The following GPSM1 variants were observed in gnomAD, a reference collection of about 807,000 sequenced individuals.
The protein encoded by GPSM1 is G protein signaling modulator 1.
GPSM1 carries 48 observed loss-of-function variants against 70.5 expected under a neutral mutation model. The ratio of observed to expected loss-of-function variants is 0.68; its 90% CI spans 0.54 to 0.87. The LOEUF (loss-of-function observed/expected upper bound fraction) is 0.87. Ranked by LOEUF, GPSM1 falls within the 40% of genes least tolerant of loss-of-function variation. The pLI, the probability that GPSM1 is intolerant of heterozygous loss-of-function variation, is 0.00. For missense variants in GPSM1, 981 were observed against 972.6 expected, an observed-to-expected ratio of 1.01 and a Z score of -0.11; for synonymous variants, 416 against 430.1, an observed-to-expected ratio of 0.97 and a Z score of 0.41.
In GPSM1 at chr9:136,356,438, T is replaced by C; in HGVS notation, c.1709T>C (p.Val570Ala). Residue 570 changes from valine (V) to alanine (A), a missense_variant, in exon 13 of 14, where the codon GTG becomes GCG. By Grantham distance (64) the Val-to-Ala change is moderately conservative. Coordinates refer to ENST00000440944, the MANE Select transcript of GPSM1 (RefSeq NM_001145638.3). Reference protein sequence around the residue: ...SRRLDDQRASVGSLPGLRITH... With the variant: ...SRRLDDQRASAGSLPGLRITH... ...CGGCTGGACGACCAGCGGGCCAGCG[T>C]GGGCAGCCTGCCGGGGCTGCGAATC... 1.2e-6 allele frequency: 2 copies of C among 1,610,740 alleles called. No individual in the cohort carries two copies. Among genetic ancestry groups the C allele is most frequent in the African/African-American group, 2.7e-5 (2 of 74,900 alleles).
rs111726239 is a variant in GPSM1, at chr9:136,337,830, C to T, written c.703-16C>T. 263 of 1,585,456 alleles carry T rather than the reference C, an allele frequency of 1.7e-4. 1 individual carries two copies. Among genetic ancestry groups the T allele is most frequent in the Middle Eastern group, 5.0e-4 (3 of 6,004 alleles). ...GGCTGCGCCATGACCACCTGGCCTC[C>T]GGTGTGTCTCCGCAGCGCCTGGCCA... On this transcript the variant is annotated splice_polypyrimidine_tract_variant and intron_variant, in intron 5 of 13. Coordinates refer to ENST00000440944, the MANE Select transcript of GPSM1 (RefSeq NM_001145638.3).
In GPSM1 at chr9:136,337,976, CA is replaced by C; in HGVS notation, c.818+17del. 1 of 1,541,424 alleles carries C rather than the reference CA, an allele frequency of 6.5e-7. No homozygotes were observed. Among genetic ancestry groups the C allele is most frequent in the Non-Finnish European group, 8.9e-7 (1 of 1,119,304 alleles). ...GAGTACTACAAGTAGGTGGTCCCCA[CA>C]ATCTCCCAGGGAGACAGCAGGCCGG... On this transcript the variant is annotated intron_variant, in intron 6 of 13. Transcript: ENST00000440944.
intron 11 of GPSM1, among the ~76,000 whole-genome samples, chr9:136,353,826 A>G (rs1304220883): frequency 6.6e-6 from 1 of 152,156 alleles, no homozygotes; most frequent in Non-Finnish European, 1.5e-5. Flanking sequence ...TTAGACCAGG[A>G]GGCCACATCC....
At chr9:136,355,911 C>T (rs916075358) in intron 12 of GPSM1, 65 bp downstream of exon 12, 13 of 1,364,910 alleles carry the variant, frequency 9.5e-6, no homozygotes, top group South Asian at 6.4e-5. Context: ...CCAGGGCTCC[C>T]GTCCTGCTTC....
intron 11 of GPSM1, among the ~76,000 whole-genome samples, chr9:136,352,093 T>C (rs28693712): frequency 0.49 from 44,773 of 90,752 alleles, 11,188 homozygotes; most frequent in Middle Eastern, 0.62. Flanking sequence ...TACTGCGCCG[T>C]TGCTGTTGGT....
intron 6 of GPSM1, 107 bp from the exon 7 acceptor site, chr9:136,338,448 G>C: frequency 9.3e-7 from 1 of 1,075,390 alleles, no homozygotes; most frequent in Non-Finnish European, 1.3e-6. Flanking sequence ...AGGCCCCAGT[G>C]GGATTCCGGG....
At chr9:136,347,774 G>A (rs912189516) in intron 9 of GPSM1, among the ~76,000 whole-genome samples, 6 of 152,146 alleles carry the variant, frequency 3.9e-5, no homozygotes, top group African/African-American at 7.2e-5. Flanking sequence ...CAGGTCTGTC[G>A]TGCCCTGGAT....
chr9:136,336,142 A>G, intron 3 of GPSM1, 41 bp downstream of exon 3: 1 of 1,595,838 alleles, frequency 6.3e-7, no homozygotes, highest in Non-Finnish European at 8.5e-7. Flanking sequence ...CCACCCCTGC[A>G]CCGGCCTGCG....
intron 11 of GPSM1, among the ~76,000 whole-genome samples, chr9:136,352,099 T>C: frequency 6.6e-6 from 1 of 150,818 alleles, no homozygotes; most frequent in South Asian, 2.1e-4. Flanking sequence ...GCCGTTGCTG[T>C]TGGTGACACC....
chr9:136,352,441 GTCTGGGGGTCCAGAGAACTCAT>G (rs1832697583), intron 11 of GPSM1, among the ~76,000 whole-genome samples: 1 of 152,240 alleles, frequency 6.6e-6, no homozygotes, highest in African/African-American at 2.4e-5. Flanking sequence ...GCTGGGTGTG[GTCTGGGGGTCCAGAGAACTCAT>G]TCTGGGGTGG....
At chr9:136,355,648 G>T (rs370478009) in intron 11 of GPSM1, 42 bp from the exon 12 acceptor site, 12 of 1,596,628 alleles carry the variant, frequency 7.5e-6, no homozygotes, top group Non-Finnish European at 1.0e-5. Flanking sequence ...CTGGGGGTCT[G>T]CGGGGCTAGC....
At chr9:136,330,896 C>G (rs74704486) in intron 1 of GPSM1, among the ~76,000 whole-genome samples, 11,787 of 152,166 alleles carry the variant, frequency 0.077, 755 homozygotes, top group African/African-American at 0.17. Context: ...TCCTGCCCCG[C>G]CTTTGGCCAA....
chr9:136,348,201 C>T (rs2131407907), intron 9 of GPSM1, among the ~76,000 whole-genome samples: 1 of 152,340 alleles, frequency 6.6e-6, no homozygotes, highest in African/African-American at 2.4e-5. Context: ...TCATCTGAGG[C>T]CTTTGCGTCC....
chr9:136,341,456 C>T lies in GPSM1; in HGVS notation c.1207+463C>T. 1 of 1,351,456 alleles carries T rather than the reference C, an allele frequency of 7.4e-7. No individual in the cohort carries two copies. Among genetic ancestry groups the T allele is most frequent in the South Asian group, 1.7e-5 (1 of 57,628 alleles). 83.7% of individuals were successfully genotyped at this position (1,351,456 alleles called of 1,614,324 possible). On this transcript the variant is annotated intron_variant, in intron 9 of 13. Coordinates refer to ENST00000440944, the MANE Select transcript of GPSM1 (RefSeq NM_001145638.3). The surrounding 1 kb of genome is among the most constrained non-coding windows in gnomAD (Gnocchi z 6.7). ...CAAGGCCCAAGGCCATGCGAGGCCA[C>T]CGTGGTGACCTCATTCATGGACCGC...
rs897323339 is a variant in GPSM1, at chr9:136,358,451, G to A, written c.*231G>A. 9.6e-5 allele frequency: 54 copies of A among 563,926 alleles called. 1 individual carries two copies. The highest frequency in any genetic ancestry group is 5.4e-4 in the East Asian group (17 of 31,332). The allele number at this position is 563,926 out of a possible 1,614,324, so 34.9% of individuals were successfully genotyped here. ...CAGCTTCCTCCCTTCTGCCCCTGCC[G>A]CAGGCCGGACGGGGCCTTCGGCATG... is the stretch of plus-strand genomic sequence containing the variant. On this transcript the variant is annotated 3_prime_UTR_variant, in exon 14 of 14. Coordinates refer to ENST00000440944, the MANE Select transcript of GPSM1 (RefSeq NM_001145638.3).
intron 7 of GPSM1, among the ~76,000 whole-genome samples, 154 bp downstream of exon 7, chr9:136,338,864 C>T (rs1251221509): frequency 6.6e-6 from 1 of 152,212 alleles, no homozygotes; most frequent in Non-Finnish European, 1.5e-5. Context: ...CTGAGCCAGA[C>T]AGTGTGGACA....
chr9:136,358,681 TCC>T lies in GPSM1; in HGVS notation c.*462_*463del. ...TGGGATGGCCGTGTGACAGGCATGCTCCACCCCTCCAGCTTCGTCCTGGGGCA... is the reference window on the plus strand; with the variant it reads ...TGGGATGGCCGTGTGACAGGCATGCTACCCCTCCAGCTTCGTCCTGGGGCA... On this transcript the variant is annotated 3_prime_UTR_variant, in exon 14 of 14. Transcript: ENST00000440944. 9 of 216,950 alleles carry T rather than the reference TCC, an allele frequency of 4.1e-5. No individual in the cohort carries two copies. The highest frequency in any genetic ancestry group is 1.7e-4 in the East Asian group (1 of 5,840). The allele number at this position is 216,950 out of a possible 1,614,324, so 13.4% of individuals were successfully genotyped here.
At chr9:136,349,188 G>A (rs1554771696) in intron 10 of GPSM1, among the ~76,000 whole-genome samples, 2 of 152,246 alleles carry the variant, frequency 1.3e-5, no homozygotes, top group African/African-American at 2.4e-5. Context: ...GTAGGGCCCT[G>A]GGCTGGCCCT....
At position 136,338,593 on chromosome 9, in the gene GPSM1, C is replaced by G; in HGVS notation, c.857C>G (p.Ala286Gly). Residue 286 changes from alanine to glycine, a missense_variant, in exon 7 of 14, where the codon GCA becomes GGA. Physicochemically the swap from Ala to Gly is moderately conservative, Grantham distance 60 (BLOSUM62 0). Transcript: ENST00000440944. Reference protein sequence around the residue: ...LQLSRQLRDQAVEAQACYSLG... With the variant: ...LQLSRQLRDQGVEAQACYSLG... ...CTGTCTCGGCAGCTCAGGGACCAGG[C>G]AGTGGAGGCGCAGGCCTGCTACAGT... is the stretch of plus-strand genomic sequence containing the variant. 2 of 1,611,362 alleles carry G rather than the reference C, an allele frequency of 1.2e-6. No individual in the cohort carries two copies. Among genetic ancestry groups the G allele is most frequent in the Non-Finnish European group, 1.7e-6 (2 of 1,179,464 alleles).
Sources: gnomAD v4.1 joint callset for allele counts (sites outside exome capture counted in the v4.1 genomes callset) on GRCh38, gnomAD v4.1.1 for gene constraint, Gnocchi (gnomAD v3.1) non-coding constraint, MANE v1.5 for transcripts, NCBI Gene and HGNC (gene_info 2026-07-23, HGNC 2026-07-21) for gene names.